The following CFAP299 variants were observed in gnomAD, a reference collection of about 807,000 sequenced individuals.
CFAP299 encodes cilia and flagella associated protein 299.
Under a neutral mutation model 27.0 loss-of-function variants are expected in CFAP299, and 21 were observed. The observed-to-expected ratio is 0.78, with a 90% confidence interval of 0.55 to 1.12. The LOEUF (loss-of-function observed/expected upper bound fraction) is 1.12, where lower values mean the gene tolerates loss of function less well. CFAP299 is among the 50% of genes most tolerant of loss of function. CFAP299 has a pLI of 0.00. For synonymous variants in CFAP299, 104 were observed against 98.1 expected (o/e 1.06, Z -0.36); for missense variants, 310 against 276.6 (o/e 1.12, Z -0.86).
intron 4 of CFAP299, among the ~76,000 whole-genome samples, chr4:80,915,278 GT>G (rs553212459): frequency 2.0e-5 from 3 of 151,458 alleles, no homozygotes; most frequent in East Asian, 1.9e-4. Flanking sequence ...GTTTTACAGG[GT>G]TTTTTTTAAA....
At chr4:80,617,416 A>G (rs2109926408) in intron 3 of CFAP299, among the ~76,000 whole-genome samples, 1 of 152,266 alleles carries the variant, frequency 6.6e-6, no homozygotes. Context: ...CCTGCCATCA[A>G]CTTAGCTTTT....
intron 3 of CFAP299, among the ~76,000 whole-genome samples, chr4:80,864,404 A>ATG (rs1553901335): frequency 6.9e-6 from 1 of 145,260 alleles, no homozygotes; most frequent in Non-Finnish European, 1.5e-5. Flanking sequence ...TCTTGTATAT[A>ATG]TGTGTGTGTA....
chr4:80,918,942 G>T (rs1735901026), intron 4 of CFAP299, among the ~76,000 whole-genome samples: 2 of 152,110 alleles, frequency 1.3e-5, no homozygotes, highest in South Asian at 4.1e-4. Flanking sequence ...AAGATCTGTA[G>T]ACTGTGATGG....
chr4:80,616,728 A>G lies in CFAP299; in HGVS notation c.333+33545A>G, dbSNP rs560926360. 1.2e-3 allele frequency among the ~76,000 whole-genome samples: 187 copies of G among 152,286 alleles called. 2 individuals carry two copies. The highest frequency in any genetic ancestry group is 4.3e-3 in the African/African-American group (177 of 41,560). On this transcript the variant is annotated intron_variant, in intron 3 of 5. Transcript: ENST00000358105. ...TACTGATGGTCCCAACATACTAGCC[A>G]GATAAAAGATGCAAATATTTTCTTG...
At chr4:80,912,486 C>T (rs1209414563) in intron 4 of CFAP299, among the ~76,000 whole-genome samples, 3 of 152,160 alleles carry the variant, frequency 2.0e-5, no homozygotes, top group African/African-American at 4.8e-5. Context: ...GCAACAGTGC[C>T]CTTGGAGGAC....
At chr4:80,481,112 T>C (rs377599168) in intron 2 of CFAP299, among the ~76,000 whole-genome samples, 1 of 152,150 alleles carries the variant, frequency 6.6e-6, no homozygotes, top group East Asian at 1.9e-4. Context: ...CAATAGTGTG[T>C]TGAAAAAAAC....
chr4:80,689,574 G>A lies in CFAP299; in HGVS notation c.333+106391G>A, dbSNP rs569657232. On this transcript the variant is annotated intron_variant, in intron 3 of 5. Transcript: ENST00000358105. ...ACATGGAAAGGAACAACTGGTACCA[G>A]CCGATGCAAAATCATGCCAAATTGT... Among the ~76,000 whole-genome samples, 7 of 152,294 alleles carry A rather than the reference G, an allele frequency of 4.6e-5. No homozygotes were observed. The South Asian group carries it at 1.4e-3, about 32-fold the overall frequency.
chr4:80,388,670 G>GACAACCAGACCAT, intron 2 of CFAP299: 1 of 1,086,450 alleles, frequency 9.2e-7, no homozygotes, highest in Non-Finnish European at 1.4e-6. Context: ...AGCTAGAATG[G>GACAACCAGACCAT]TCTGGTTGTC....
At chr4:80,918,419 T>A (rs899580754) in intron 4 of CFAP299, among the ~76,000 whole-genome samples, 9 of 152,124 alleles carry the variant, frequency 5.9e-5, no homozygotes, top group Non-Finnish European at 2.9e-5. Flanking sequence ...AACCTACAAA[T>A]GACATTTATT....
intron 3 of CFAP299, among the ~76,000 whole-genome samples, chr4:80,597,814 G>A (rs746794521): frequency 6.6e-6 from 1 of 152,032 alleles, no homozygotes; most frequent in African/African-American, 2.4e-5. Flanking sequence ...AGCCTCTTGA[G>A]TAGCTGAGAT....
At chr4:80,635,059 G>C (rs151273904) in intron 3 of CFAP299, among the ~76,000 whole-genome samples, 10 of 152,076 alleles carry the variant, frequency 6.6e-5, no homozygotes, top group Non-Finnish European at 1.0e-4. Flanking sequence ...TCAAATAATT[G>C]CAGTTTTCTT....
At position 80,809,237 on chromosome 4, in the gene CFAP299, A is replaced by G. The variant is rs111868858; in HGVS notation, c.334-60756A>G. 9.9e-5 allele frequency among the ~76,000 whole-genome samples: 15 copies of G among 152,232 alleles called. 1 individual carries two copies. The highest frequency in any genetic ancestry group is 3.4e-4 in the African/African-American group (14 of 41,562). ...TACTTTACATGGAGACATCTGCACTATGGCACACCCTATAATTATATGGGA... is the reference window on the plus strand; with the variant it reads ...TACTTTACATGGAGACATCTGCACTGTGGCACACCCTATAATTATATGGGA... On this transcript the variant is annotated intron_variant, in intron 3 of 5. Coordinates refer to ENST00000358105, the MANE Select transcript of CFAP299 (RefSeq NM_152770.3).
chr4:80,736,636 T>C (rs1159482940), intron 3 of CFAP299, among the ~76,000 whole-genome samples: 1 of 152,240 alleles, frequency 6.6e-6, no homozygotes, highest in African/African-American at 2.4e-5. Flanking sequence ...CCAGTTAGAA[T>C]GGCATTCATT....
chr4:80,631,451 G>GA (rs1410834875), intron 3 of CFAP299, among the ~76,000 whole-genome samples: 1 of 152,034 alleles, frequency 6.6e-6, no homozygotes, highest in Middle Eastern at 3.5e-3. Flanking sequence ...AATATTAAAA[G>GA]AAAAAATATA....
chr4:80,652,190 T>C (rs1340747130), intron 3 of CFAP299, among the ~76,000 whole-genome samples: 1 of 152,140 alleles, frequency 6.6e-6, no homozygotes, highest in East Asian at 1.9e-4. Context: ...TTAGTGGTTG[T>C]AGAACTTTAA....
chr4:80,597,167 G>A (rs569124834), intron 3 of CFAP299, among the ~76,000 whole-genome samples: 1 of 152,030 alleles, frequency 6.6e-6, no homozygotes, highest in Non-Finnish European at 1.5e-5. Flanking sequence ...CAAAGTGATT[G>A]GGCCGGTATA....
chr4:80,567,752 AG>A (rs1735379968), intron 2 of CFAP299, among the ~76,000 whole-genome samples: 1 of 144,076 alleles, frequency 6.9e-6, no homozygotes, highest in Admixed American at 6.9e-5. Context: ...TATATATATA[AG>A]TACATAAGAT....
At chr4:80,944,277 A>G (rs1737357458) in intron 4 of CFAP299, among the ~76,000 whole-genome samples, 1 of 151,994 alleles carries the variant, frequency 6.6e-6, no homozygotes, top group African/African-American at 2.4e-5. Context: ...GCAACTTCAT[A>G]TGGGGGTTGT....
At chr4:80,914,014 A>G (rs1735619279) in intron 4 of CFAP299, among the ~76,000 whole-genome samples, 1 of 152,044 alleles carries the variant, frequency 6.6e-6, no homozygotes, top group Non-Finnish European at 1.5e-5. Flanking sequence ...CATGCGTTCT[A>G]TTTATCAGTA....
Sources: allele counts gnomAD v4.1 joint callset (sites outside exome capture counted in the v4.1 genomes callset), GRCh38; gene constraint gnomAD v4.1.1; transcripts MANE v1.5; gene names NCBI Gene and HGNC (gene_info 2026-07-23, HGNC 2026-07-21).